The following UGGT1 variants were observed in gnomAD, a reference collection of about 807,000 sequenced individuals.
UGGT1 encodes the protein UDP-glucose glycoprotein glucosyltransferase 1.
In UGGT1, 107 loss-of-function variants were observed where a neutral mutation model predicts 203.9. The ratio of observed to expected loss-of-function variants is 0.52; its 90% CI spans 0.45 to 0.62. UGGT1 has a LOEUF of 0.62. Ranked by LOEUF, UGGT1 falls within the 20% of genes least tolerant of loss-of-function variation. The pLI is 0.00. For synonymous variants in UGGT1, 628 were observed against 653.5 expected, an observed-to-expected ratio of 0.96 and a Z score of 0.59; for missense variants, 1,673 against 1,867.2, an observed-to-expected ratio of 0.90 and a Z score of 1.92.
chr2:128,163,814 C>T (rs1690650527), intron 25 of UGGT1, among the ~76,000 whole-genome samples: 1 of 152,082 alleles, frequency 6.6e-6, no homozygotes, highest in Non-Finnish European at 1.5e-5. Context: ...AGAAACAACA[C>T]AGATGTTCAG....
At chr2:128,189,610 A>G in intron 40 of UGGT1, 107 bp from the exon 41 acceptor site, 1 of 1,101,916 alleles carries the variant, frequency 9.1e-7, no homozygotes, top group South Asian at 1.4e-5. Context: ...GATAAGATGA[A>G]GGTGGAGGTA....
At chr2:128,189,149 G>A (rs1692138335) in intron 40 of UGGT1, among the ~76,000 whole-genome samples, 1 of 152,208 alleles carries the variant, frequency 6.6e-6, no homozygotes, top group South Asian at 2.1e-4. Context: ...CGTTGTGGAT[G>A]TAGCTTGATG....
chr2:128,121,049 G>T, intron 9 of UGGT1, 150 bp from the exon 10 acceptor site: 1 of 732,874 alleles, frequency 1.4e-6, no homozygotes, highest in Non-Finnish European at 2.2e-6. Flanking sequence ...AATAAAACCT[G>T]AAATTAAATC....
chr2:128,173,508 T>C (rs1010488772), intron 29 of UGGT1, among the ~76,000 whole-genome samples: 1 of 152,212 alleles, frequency 6.6e-6, no homozygotes, highest in African/African-American at 2.4e-5. Flanking sequence ...TATACAGTCA[T>C]TAACCACCAC....
At chr2:128,183,909 G>GGTGTGTGTGTGTGTGTGTGTGTGTGTGT (rs558911313) in intron 38 of UGGT1, 120 bp downstream of exon 38, 1 of 317,466 alleles carries the variant, frequency 3.1e-6, no homozygotes, top group African/African-American at 2.2e-5. Flanking sequence ...GTTTTTTCAT[G>GGTGTGTGTGTGTGTGTGTGTGTGTGTGT]GTGTGTGTGT....
chr2:128,118,950 G>A (rs975693743), intron 8 of UGGT1, among the ~76,000 whole-genome samples: 3 of 152,148 alleles, frequency 2.0e-5, no homozygotes, highest in African/African-American at 7.2e-5. Context: ...GATTACAGGT[G>A]TGAGCCACCG....
intron 33 of UGGT1, among the ~76,000 whole-genome samples, chr2:128,178,207 G>A (rs936559022): frequency 6.6e-6 from 1 of 152,166 alleles, no homozygotes; most frequent in East Asian, 1.9e-4. Flanking sequence ...TTTACTTCCC[G>A]TTGTGTAAGT....
At chr2:128,133,380 C>T (rs1395972579) in intron 14 of UGGT1, 120 bp downstream of exon 14, 1 of 1,317,862 alleles carries the variant, frequency 7.6e-7, no homozygotes, top group South Asian at 1.3e-5. Flanking sequence ...CCACCCTTCA[C>T]CAAATACTCT....
At chr2:128,165,854 TG>T (rs547282328) in intron 26 of UGGT1, among the ~76,000 whole-genome samples, 86 of 152,264 alleles carry the variant, frequency 5.6e-4, no homozygotes, top group African/African-American at 2.1e-3. Flanking sequence ...TTCCGCCTTC[TG>T]GGCTCAAGTG....
chr2:128,114,908 T>C lies in UGGT1; in HGVS notation c.697-216T>C, dbSNP rs1688029372. Among the ~76,000 whole-genome samples the C allele has an allele frequency of 2.6e-5, 4 of 152,260 alleles. No homozygotes were observed. The South Asian group carries it at 8.3e-4, about 31-fold the overall frequency. Reference sequence around the variant, plus strand: ...TTTAATGGTAGATACGTGCTTTTATTACTCTTGAGTTTTTGGTAGGTTTTG... The same window carrying C: ...TTTAATGGTAGATACGTGCTTTTATCACTCTTGAGTTTTTGGTAGGTTTTG... On this transcript the variant is annotated intron_variant, in intron 6 of 40. Coordinates refer to ENST00000259253, the MANE Select transcript of UGGT1 (RefSeq NM_020120.4).
intron 19 of UGGT1, 134 bp from the exon 20 acceptor site, chr2:128,155,355 T>C (rs1690177113): frequency 1.5e-6 from 1 of 652,578 alleles, no homozygotes; most frequent in African/African-American, 1.8e-5. Context: ...AGTTGTTCAG[T>C]AAACATGGAA....
chr2:128,108,364 C>T (rs1230828741), intron 4 of UGGT1, among the ~76,000 whole-genome samples: 1 of 152,132 alleles, frequency 6.6e-6, no homozygotes, highest in African/African-American at 2.4e-5. Flanking sequence ...CTAATTACAG[C>T]CTGTAGTTCT....
intron 16 of UGGT1, among the ~76,000 whole-genome samples, chr2:128,142,343 T>G (rs1207367915): frequency 6.6e-6 from 1 of 151,370 alleles, no homozygotes; most frequent in Non-Finnish European, 1.5e-5. Context: ...CCCAGCACTT[T>G]GGGAGGCCGA....
Position 128,115,215 on chromosome 2 carries a change from T to A in UGGT1, c.788T>A (p.Val263Glu). 6.2e-7 allele frequency: 1 copy of A among 1,613,066 alleles called. No individual in the cohort carries two copies. Among genetic ancestry groups the A allele is most frequent in the South Asian group, 1.1e-5 (1 of 90,982 alleles). The change falls in exon 7 of 41, where the codon GTG becomes GAG. Residue 263 changes from valine (V) to glutamate (E), a missense_variant. Val to Glu is a moderately radical substitution (Grantham distance 121). This residue lies in a region of UGGT1 where 1,073 missense variants were observed against 1,078.7 expected (regional missense o/e 0.99). Coordinates refer to ENST00000259253, the MANE Select transcript of UGGT1 (RefSeq NM_020120.4). ...TACAAGGCCAAGGATGATACTCAGG[T>A]GAAAGGTGAATTTGTAAAAATGGGA... ...TEYKAKDDTQ[V>E]KGTEVNTTVI...
At chr2:128,170,557 A>T (rs1691043973) in intron 27 of UGGT1, among the ~76,000 whole-genome samples, 167 bp downstream of exon 27, 1 of 152,230 alleles carries the variant, frequency 6.6e-6, no homozygotes, top group Non-Finnish European at 1.5e-5. Flanking sequence ...GTGGCTGTGA[A>T]ACAGCCTCAC....
At chr2:128,153,243 C>G (rs1484644940) in intron 19 of UGGT1, among the ~76,000 whole-genome samples, 1 of 152,200 alleles carries the variant, frequency 6.6e-6, no homozygotes, top group Non-Finnish European at 1.5e-5. Context: ...AGTTCTCTTT[C>G]TTCATCCTCA....
In UGGT1 at chr2:128,186,667, T is replaced by A. The variant is rs1573639162; in HGVS notation, c.4360-16T>A. 6.3e-7 allele frequency: 1 copy of A among 1,575,578 alleles called. No individual in the cohort carries two copies. The highest frequency in any genetic ancestry group is 1.8e-5 in the Admixed American group (1 of 55,196). ...AGATACATGTATTTTATTTTTATTT[T>A]TTTTTAACCAAACAGGATCTGCCCA... On this transcript the variant is annotated splice_polypyrimidine_tract_variant and intron_variant, in intron 38 of 40. Transcript: ENST00000259253.
At chr2:128,162,899 A>G (rs1399924567) in intron 25 of UGGT1, among the ~76,000 whole-genome samples, 4 of 152,204 alleles carry the variant, frequency 2.6e-5, no homozygotes, top group Non-Finnish European at 5.9e-5. Context: ...TCATGGGGCC[A>G]AAAGACTAAT....
At chr2:128,128,996 C>A in intron 12 of UGGT1, 33 bp from the exon 13 acceptor site, 1 of 1,470,150 alleles carries the variant, frequency 6.8e-7, no homozygotes, top group Non-Finnish European at 9.0e-7. Context: ...GCTTTTTTTC[C>A]TAGTAAATAT....
Sources: gnomAD v4.1 joint callset for allele counts (sites outside exome capture counted in the v4.1 genomes callset) on GRCh38, gnomAD v4.1.1 for gene constraint, gnomAD v4.1.1 regional missense constraint, MANE v1.5 for transcripts, NCBI Gene and HGNC (gene_info 2026-07-23, HGNC 2026-07-21) for gene names.